DOCK9: variants seen among roughly 807,000 people sequenced by gnomAD.
The protein encoded by DOCK9 is dedicator of cytokinesis 9.
A neutral mutation model predicts 263.3 loss-of-function variants in DOCK9; 89 were observed. The observed-to-expected ratio is 0.34, with a 90% CI of 0.28 to 0.40. The LOEUF (loss-of-function observed/expected upper bound fraction) is 0.40, where lower values mean the gene tolerates loss of function less well. DOCK9 is among the 10% of genes least tolerant of loss of function. The pLI is 1.00. For synonymous variants in DOCK9, 976 were observed against 973.1 expected, an observed-to-expected ratio of 1.00 and a Z score of -0.06; for missense variants, 2,140 against 2,603.4, an observed-to-expected ratio of 0.82 and a Z score of 3.87.
Position 98,825,075 on chromosome 13 carries a change from C to A in DOCK9, c.5024-571G>T, listed in dbSNP as rs573028665. ...ACCCCAGAGGCCCCGGGGTGGGTGG[C>A]TGGCTGCATCAACAGAGGGCATGGA... is the stretch of plus-strand genomic sequence containing the variant. On this transcript the variant is annotated intron_variant, in intron 44 of 52. Transcript: ENST00000682017. The surrounding 1 kb of genome is among the most constrained non-coding windows in gnomAD (Gnocchi z 4.1). Among the ~76,000 whole-genome samples the A allele has an allele frequency of 6.6e-6, 1 of 152,270 alleles. No homozygotes were observed. The highest frequency in any genetic ancestry group is 1.5e-5 in the Non-Finnish European group (1 of 68,018).
At chr13:98,990,203 A>G (rs1224657166) in intron 1 of DOCK9, among the ~76,000 whole-genome samples, 1 of 152,162 alleles carries the variant, frequency 6.6e-6, no homozygotes, top group African/African-American at 2.4e-5. Context: ...CTTTCTCTCC[A>G]CCATAAGAGG....
chr13:98,994,179 C>A (rs77131929), intron 1 of DOCK9, among the ~76,000 whole-genome samples: 1 of 152,244 alleles, frequency 6.6e-6, no homozygotes, highest in Non-Finnish European at 1.5e-5. Flanking sequence ...TGAGTCCCAA[C>A]AGAAGCTGGG....
chr13:98,874,863 T>C (rs1231457365), intron 27 of DOCK9, among the ~76,000 whole-genome samples: 1 of 152,166 alleles, frequency 6.6e-6, no homozygotes, highest in Non-Finnish European at 1.5e-5. Flanking sequence ...CCAGTTCATC[T>C]GCTGCTTGGC....
chr13:99,017,624 A>C (rs965680982), intron 1 of DOCK9, among the ~76,000 whole-genome samples: 2 of 152,224 alleles, frequency 1.3e-5, no homozygotes, highest in African/African-American at 2.4e-5. Context: ...TTCGTGTTTA[A>C]AACAAGAGTC....
intron 41 of DOCK9, 105 bp downstream of exon 41, chr13:98,831,243 G>A: frequency 2.4e-6 from 3 of 1,274,280 alleles, no homozygotes. Flanking sequence ...AGATCTTGCA[G>A]TATCTTTATG....
chr13:98,848,462 G>C, intron 37 of DOCK9, 130 bp downstream of exon 37: 1 of 893,420 alleles, frequency 1.1e-6, no homozygotes, highest in South Asian at 1.7e-5. Context: ...CAATCCAAGG[G>C]CCTGCCATCA....
upstream of DOCK9, among the ~76,000 whole-genome samples, chr13:98,981,066 T>C (rs1191135312): frequency 6.6e-6 from 1 of 151,978 alleles, no homozygotes; most frequent in Non-Finnish European, 1.5e-5. Context: ...TTTTTGTTTT[T>C]TTTTTTTCAA....
intron 4 of DOCK9, among the ~76,000 whole-genome samples, chr13:98,924,780 G>A (rs1471912672): frequency 1.3e-5 from 2 of 152,136 alleles, no homozygotes; most frequent in African/African-American, 2.4e-5. Context: ...TTTCCATCAT[G>A]TTTTGAAGCA....
chr13:99,079,655 C>T (rs187255244), intron 1 of DOCK9, among the ~76,000 whole-genome samples: 8 of 152,340 alleles, frequency 5.3e-5, no homozygotes, highest in Non-Finnish European at 8.8e-5. Flanking sequence ...ACGTATGTTG[C>T]TCGAAGTCCT....
intron 32 of DOCK9, among the ~76,000 whole-genome samples, chr13:98,861,523 A>G (rs564652018): frequency 1.3e-5 from 2 of 152,332 alleles, no homozygotes; most frequent in East Asian, 3.9e-4. Context: ...AAAGAGAAGG[A>G]GTGCAGGTTT....
chr13:98,817,923 TAAC>T (rs1286768598), intron 45 of DOCK9, among the ~76,000 whole-genome samples: 1 of 151,992 alleles, frequency 6.6e-6, no homozygotes, highest in Non-Finnish European at 1.5e-5. Context: ...AACTAGGAAA[TAAC>T]AAATCATTAA....
Position 98,804,980 on chromosome 13 carries a change from C to T in DOCK9, c.5725+19G>A, listed in dbSNP as rs780074596. 19 of 1,581,232 alleles carry T rather than the reference C, an allele frequency of 1.2e-5. No homozygotes were observed. Among genetic ancestry groups the T allele is most frequent in the South Asian group, 5.8e-5 (5 of 86,574 alleles). On this transcript the variant is annotated intron_variant, in intron 49 of 52. Coordinates refer to ENST00000682017, the MANE Select transcript of DOCK9 (RefSeq NM_001366683.2). Reference sequence around the variant, plus strand: ...CGAGGTGTCCGGGCTCGTGTCCATGCGGCTTCTGGGGCCCATACCTGTCAG... The same window carrying T: ...CGAGGTGTCCGGGCTCGTGTCCATGTGGCTTCTGGGGCCCATACCTGTCAG...
upstream of DOCK9, among the ~76,000 whole-genome samples, chr13:98,980,693 C>A (rs1876976108): frequency 6.6e-6 from 1 of 152,186 alleles, no homozygotes; most frequent in South Asian, 2.1e-4. Context: ...AAACTCAGGG[C>A]TTTTGCTGTG....
chr13:98,876,064 A>G (rs180675648), intron 27 of DOCK9, among the ~76,000 whole-genome samples: 101 of 152,250 alleles, frequency 6.6e-4, no homozygotes, highest in Non-Finnish European at 1.0e-3. Context: ...CATCAGCTTA[A>G]TACACAACAT....
rs78818477 is a variant in DOCK9 at position 98,923,641 on chromosome 13, A to T, written c.417-270T>A. Among the ~76,000 whole-genome samples the T allele has an allele frequency of 7.4e-3, 1,130 of 152,352 alleles. 29 individuals are homozygous for T. In the East Asian group the frequency reaches 0.088, roughly 12 times the overall value. Reference sequence around the variant, plus strand: ...CATACTAAAAATAAGAAAGTGGATTAGTTTTTAATAAACAAAGACTTGGTA... The same window carrying T: ...CATACTAAAAATAAGAAAGTGGATTTGTTTTTAATAAACAAAGACTTGGTA... On this transcript the variant is annotated intron_variant, in intron 4 of 52. Transcript: ENST00000682017.
At chr13:98,897,189 T>C (rs780490903) in intron 15 of DOCK9, among the ~76,000 whole-genome samples, 1 of 152,168 alleles carries the variant, frequency 6.6e-6, no homozygotes, top group African/African-American at 2.4e-5. Flanking sequence ...CTTTGCTGAG[T>C]CCTTTCTCAC....
rs1260190667 is a variant in DOCK9 at position 98,989,859 on chromosome 13, TC to T, written c.130-34309del. ...GTCTTAGAATCACCATTCCCCCTCT[TC>T]CCCCACTCCTCCTTCCATGCTCAAG... On this transcript the variant is annotated intron_variant, in intron 1 of 32. Coordinates refer to the DOCK9 transcript ENST00000427887. 5.3e-5 allele frequency among the ~76,000 whole-genome samples: 8 copies of T among 152,252 alleles called. No homozygotes were observed. The East Asian group carries it at 1.5e-3, about 29-fold the overall frequency.
At chr13:98,808,639 C>T in intron 47 of DOCK9, 1 of 1,582,618 alleles carries the variant, frequency 6.3e-7, no homozygotes. Flanking sequence ...ACTGTAATTA[C>T]CTCCACATCT....
rs1416676824 is a variant in DOCK9, at chr13:98,883,797, T to C, written c.2469+16A>G. ...CACAGGGCAGCAACTGCTAATTTTG[T>C]TGAAGGAGCACATACCTGAGTATAC... On this transcript the variant is annotated intron_variant, in intron 22 of 52. Coordinates refer to ENST00000682017, the MANE Select transcript of DOCK9 (RefSeq NM_001366683.2). 8.3e-6 allele frequency: 13 copies of C among 1,565,880 alleles called. No homozygotes were observed. Among genetic ancestry groups the C allele is most frequent in the Non-Finnish European group, 1.0e-5 (12 of 1,157,736 alleles).
Sources: allele counts gnomAD v4.1 joint callset (sites outside exome capture counted in the v4.1 genomes callset), GRCh38; gene constraint gnomAD v4.1.1; non-coding constraint Gnocchi (gnomAD v3.1); transcripts MANE v1.5; gene names NCBI Gene and HGNC (gene_info 2026-07-23, HGNC 2026-07-21).